The following NECTIN1 variants were observed in gnomAD, a reference collection of about 807,000 sequenced individuals.
The protein encoded by NECTIN1 is nectin-1.
A neutral mutation model predicts 48.0 loss-of-function variants in NECTIN1; 23 were observed. That is an observed-to-expected ratio of 0.48 (90% CI 0.34 to 0.68). The LOEUF is 0.68. Among genes scored for constraint, NECTIN1 ranks in the 30% least tolerant of loss-of-function variants. NECTIN1 has a pLI of 0.01. For missense variants in NECTIN1, 591 were observed against 709.9 expected, an observed-to-expected ratio of 0.83 and a Z score of 1.90; for synonymous variants, 270 against 288.9, an observed-to-expected ratio of 0.93 and a Z score of 0.66.
chr11:119,727,771 T>C lies in NECTIN1; in HGVS notation c.79+704A>G, dbSNP rs1294314644. Among the ~76,000 whole-genome samples the C allele has an allele frequency of 6.6e-6, 1 of 152,062 alleles. No individual in the cohort carries two copies. The highest frequency in any genetic ancestry group is 1.5e-5 in the Non-Finnish European group (1 of 67,984). ...CGGGAAAGTGGGTCATGCAGCTACT[T>C]GGATGGCAGGAAGCCCGCGGTGTCT... On this transcript the variant is annotated intron_variant, in intron 1 of 5. Coordinates refer to ENST00000264025, the MANE Select transcript of NECTIN1 (RefSeq NM_002855.5). This position sits in a 1 kb window ranked among gnomAD's most constrained non-coding sequence, Gnocchi z 4.1.
chr11:119,647,253 A>G (rs1864411592), intron 5 of NECTIN1, among the ~76,000 whole-genome samples: 1 of 138,254 alleles, frequency 7.2e-6, no homozygotes, highest in Non-Finnish European at 1.5e-5. Context: ...AGGGTTGAGG[A>G]TTGTCACTTC....
rs138986894 is a variant in NECTIN1 at position 119,697,728 on chromosome 11, G to A, written c.80-18963C>T. On this transcript the variant is annotated intron_variant, in intron 1 of 5. Transcript: ENST00000264025. ...TCCAGAACCCGAACCTGAGTCTTCT[G>A]GTTGTGGTCCACTGTGCTCCCTTTC... is the stretch of plus-strand genomic sequence containing the variant. Among the ~76,000 whole-genome samples, 36 of 152,332 alleles carry A rather than the reference G, an allele frequency of 2.4e-4. 1 individual carries two copies. Among genetic ancestry groups the A allele is most frequent in the Non-Finnish European group, 1.0e-4 (7 of 68,040 alleles).
At chr11:119,704,475 C>T (rs2015078) in intron 1 of NECTIN1, among the ~76,000 whole-genome samples, 92,420 of 151,952 alleles carry the variant, frequency 0.61, 28,490 homozygotes, top group South Asian at 0.67. Context: ...CCTCGGCCTC[C>T]CAAAGTGCTG....
At chr11:119,666,197 AC>A (rs1480256734) in intron 5 of NECTIN1, among the ~76,000 whole-genome samples, 1 of 152,264 alleles carries the variant, frequency 6.6e-6, no homozygotes, top group Non-Finnish European at 1.5e-5. Flanking sequence ...ACAAGTGGGC[AC>A]ATGCACAGGC....
In NECTIN1 at chr11:119,727,288, C is replaced by T. The variant is rs1301923740; in HGVS notation, c.79+1187G>A. 6.6e-6 allele frequency among the ~76,000 whole-genome samples: 1 copy of T among 152,176 alleles called. No homozygotes were observed. Among genetic ancestry groups the T allele is most frequent in the Admixed American group, 6.5e-5 (1 of 15,290 alleles). ...TGCGGCAAAGCACATTGCAGGAACTCGGGATCTAATATTCCTGCCCCACGA... is the reference window on the plus strand; with the variant it reads ...TGCGGCAAAGCACATTGCAGGAACTTGGGATCTAATATTCCTGCCCCACGA... On this transcript the variant is annotated intron_variant, in intron 1 of 5. Coordinates refer to ENST00000264025, the MANE Select transcript of NECTIN1 (RefSeq NM_002855.5). This position sits in a 1 kb window ranked among gnomAD's most constrained non-coding sequence, Gnocchi z 4.1.
At chr11:119,669,517 A>G (rs188568769) in intron 5 of NECTIN1, among the ~76,000 whole-genome samples, 60 of 152,170 alleles carry the variant, frequency 3.9e-4, no homozygotes, top group Admixed American at 7.9e-4. Context: ...ATTGATTGCA[A>G]TAGCTGCCTA....
Position 119,663,429 on chromosome 11 carries a change from CCCCT to C in NECTIN1, c.*1314_*1317del. On this transcript the variant is annotated 3_prime_UTR_variant, in exon 6 of 6. Transcript: ENST00000264025. Reference sequence around the variant, plus strand: ...AAAGGGAGGGCTTCTCCTAGGCCCTCCCCTCATCCCAGAATGAGGACCAGGGGTG... The same window carrying C: ...AAAGGGAGGGCTTCTCCTAGGCCCTCCATCCCAGAATGAGGACCAGGGGTG... The C allele has an allele frequency of 1.0e-6, 1 of 985,488 alleles. No homozygotes were observed. Among genetic ancestry groups the C allele is most frequent in the Non-Finnish European group, 1.2e-6 (1 of 829,938 alleles). 61.0% of individuals were successfully genotyped at this position (985,488 alleles called of 1,614,324 possible).
At chr11:119,682,025 G>A (rs191926521) in intron 1 of NECTIN1, among the ~76,000 whole-genome samples, 1 of 152,202 alleles carries the variant, frequency 6.6e-6, no homozygotes, top group Non-Finnish European at 1.5e-5. Flanking sequence ...GGAGTTGGGA[G>A]GTGCTGGAAG....
At chr11:119,653,062 T>C (rs1864515415) in intron 5 of NECTIN1, among the ~76,000 whole-genome samples, 1 of 152,230 alleles carries the variant, frequency 6.6e-6, no homozygotes, top group Non-Finnish European at 1.5e-5. Flanking sequence ...TAGGTATGAC[T>C]CCATTTCTGT....
intron 1 of NECTIN1, among the ~76,000 whole-genome samples, chr11:119,691,105 T>TCA (rs1865244981): frequency 6.6e-6 from 1 of 151,974 alleles, no homozygotes; most frequent in Admixed American, 6.5e-5. Context: ...CCAAAAGCAT[T>TCA]CTCCCCAACC....
intron 1 of NECTIN1, among the ~76,000 whole-genome samples, chr11:119,679,594 C>T (rs1364465009): frequency 1.3e-5 from 2 of 152,194 alleles, no homozygotes; most frequent in African/African-American, 4.8e-5. Flanking sequence ...CACACTTTCC[C>T]ACCATACCAG....
chr11:119,690,904 C>A (rs1203192272), intron 1 of NECTIN1, among the ~76,000 whole-genome samples: 3 of 152,174 alleles, frequency 2.0e-5, no homozygotes, highest in Non-Finnish European at 4.4e-5. Context: ...TACCTTCCGG[C>A]TCAACTACCA....
At position 119,727,286 on chromosome 11, in the gene NECTIN1, C is replaced by A. The variant is rs1332740653; in HGVS notation, c.79+1189G>T. Among the ~76,000 whole-genome samples, 1 of 152,202 alleles carries A rather than the reference C, an allele frequency of 6.6e-6. No homozygotes were observed. Among genetic ancestry groups the A allele is most frequent in the Non-Finnish European group, 1.5e-5 (1 of 68,040 alleles). On this transcript the variant is annotated intron_variant, in intron 1 of 5. Transcript: ENST00000264025. This position sits in a 1 kb window ranked among gnomAD's most constrained non-coding sequence, Gnocchi z 4.1. ...TCTGCGGCAAAGCACATTGCAGGAA[C>A]TCGGGATCTAATATTCCTGCCCCAC...
At chr11:119,681,323 G>C (rs1865057909) in intron 1 of NECTIN1, among the ~76,000 whole-genome samples, 1 of 152,216 alleles carries the variant, frequency 6.6e-6, no homozygotes, top group Non-Finnish European at 1.5e-5. Context: ...GGCCCCAGGT[G>C]AGAGCGCAGG....
intron 1 of NECTIN1, among the ~76,000 whole-genome samples, chr11:119,687,026 T>C (rs1865170403): frequency 1.3e-5 from 2 of 152,114 alleles, no homozygotes; most frequent in Admixed American, 1.3e-4. Flanking sequence ...AAACTGCATA[T>C]TATCCAAAAG....
chr11:119,661,148 G>T lies in NECTIN1; in HGVS notation c.*3599C>A. On this transcript the variant is annotated 3_prime_UTR_variant, in exon 6 of 6. Transcript: ENST00000264025. Reference sequence around the variant, plus strand: ...GCTGGGCTGTCCCTGGACCAAAGGCGGAAAGGGCGACAAGACGCCGAAGCA... The same window carrying T: ...GCTGGGCTGTCCCTGGACCAAAGGCTGAAAGGGCGACAAGACGCCGAAGCA... 1.0e-6 allele frequency: 1 copy of T among 985,818 alleles called. No individual in the cohort carries two copies. Among genetic ancestry groups the T allele is most frequent in the Non-Finnish European group, 1.2e-6 (1 of 829,936 alleles). The allele number at this position is 985,818 out of a possible 1,614,324, so 61.1% of individuals were successfully genotyped here.
intron 1 of NECTIN1, among the ~76,000 whole-genome samples, chr11:119,692,265 C>A (rs182395703): frequency 6.6e-6 from 1 of 152,268 alleles, no homozygotes; most frequent in Non-Finnish European, 1.5e-5. Flanking sequence ...GGAACCAGCA[C>A]GTAGGCTCGG....
chr11:119,675,731 G>C (rs1864935047), intron 4 of NECTIN1: 1 of 214,244 alleles, frequency 4.7e-6, no homozygotes, highest in Admixed American at 5.2e-5. Flanking sequence ...ATGCCAGCCA[G>C]GTGTGGTGGC....
At chr11:119,680,324 C>A (rs748433192) in intron 1 of NECTIN1, among the ~76,000 whole-genome samples, 5 of 152,194 alleles carry the variant, frequency 3.3e-5, no homozygotes, top group Non-Finnish European at 5.9e-5. Context: ...TTGTATACTT[C>A]ATGTCTTTGT....
Sources: allele counts gnomAD v4.1 joint callset (sites outside exome capture counted in the v4.1 genomes callset), GRCh38; gene constraint gnomAD v4.1.1; non-coding constraint Gnocchi (gnomAD v3.1); transcripts MANE v1.5; gene names NCBI Gene and HGNC (gene_info 2026-07-23, HGNC 2026-07-21).